The following LHB variants were observed in gnomAD, a reference collection of about 807,000 sequenced individuals.
LHB encodes lutropin subunit beta.
Under a neutral mutation model 10.6 loss-of-function variants are expected in LHB, and 11 were observed. The observed-to-expected ratio is 1.04, with a 90% CI of 0.66 to 1.72. The LOEUF (loss-of-function observed/expected upper bound fraction) is 1.72. LHB is among the 40% of genes most tolerant of loss of function. The pLI is 0.00. For synonymous variants in LHB, 86 were observed against 83.1 expected, an observed-to-expected ratio of 1.03 and a Z score of -0.19; for missense variants, 184 against 197.3, an observed-to-expected ratio of 0.93 and a Z score of 0.41.
chr19:49,016,014 G>C lies in LHB; in HGVS notation c.*54C>G, dbSNP rs141729250. On this transcript the variant is annotated 3_prime_UTR_variant, in exon 3 of 3. Transcript: ENST00000649238. ...AGAAGCCTTTATTGTGGGAGGATCG[G>C]GGTGTCAGGGCTCCAGGAGTCGGGA... 9.3e-6 allele frequency: 15 copies of C among 1,613,994 alleles called. No homozygotes were observed. Among genetic ancestry groups the C allele is most frequent in the Admixed American group, 1.7e-5 (1 of 59,998 alleles).
At chr19:49,016,963 T>C in intron 1 of LHB, 104 bp downstream of exon 1, 1 of 1,610,522 alleles carries the variant, frequency 6.2e-7, no homozygotes, top group Non-Finnish European at 8.5e-7. Context: ...GTCATGCCCC[T>C]CCAGAAAGAG....
At chr19:49,018,256 C>A (rs1458955533), upstream of LHB, 6 of 952,526 alleles carry the variant, frequency 6.3e-6, no homozygotes, top group Non-Finnish European at 8.2e-6. Context: ...GCGGCCGCTG[C>A]GGGCCGTGGC....
At chr19:49,018,320 G>A, upstream of LHB, 5 of 1,215,646 alleles carry the variant, frequency 4.1e-6, no homozygotes, top group Non-Finnish European at 5.1e-6. Flanking sequence ...GTCCTTGCGG[G>A]GGTATCCGGA....
upstream of LHB, chr19:49,017,945 G>A: frequency 5.0e-6 from 2 of 398,756 alleles, no homozygotes. Flanking sequence ...GGGCGGGTCT[G>A]GGGTGGGGCT....
chr19:49,018,924 C>T, upstream of LHB: 1 of 1,534,394 alleles, frequency 6.5e-7, no homozygotes, highest in East Asian at 2.4e-5. Context: ...GAGCTGGCGG[C>T]GGTCCAGGAC....
chr19:49,016,362 A>G (rs777792195), intron 2 of LHB, 52 bp from the exon 3 acceptor site: 2 of 1,605,066 alleles, frequency 1.2e-6, no homozygotes, highest in Admixed American at 3.3e-5. Context: ...CCAGCGCCTC[A>G]GCTGAGCTCC....
intron 2 of LHB, 47 bp downstream of exon 2, chr19:49,016,500 T>C (rs368580299): frequency 6.3e-7 from 1 of 1,597,636 alleles, no homozygotes. Flanking sequence ...CCTCTGTGGG[T>C]CTGGCCCTGA....
At chr19:49,017,547 C>A (rs1395410852), upstream of LHB, 3 of 1,099,358 alleles carry the variant, frequency 2.7e-6, no homozygotes, top group Non-Finnish European at 3.3e-6. Flanking sequence ...GAGAGAGGGT[C>A]TCCCCGTGAC....
Position 49,016,668 on chromosome 19 carries a change from G to C in LHB, c.62C>G (p.Ser21Cys), listed in dbSNP as rs772494662. The change falls in exon 2 of 3, where the codon TCC (serine) becomes TGC (cysteine). Residue 21 changes from serine (S) to cysteine (C), a missense_variant. By Grantham distance (112) the Ser-to-Cys change is moderately radical. Transcript: ENST00000649238. Reference protein sequence around the residue: ...LLLSMGGAWASREPLRPWCHP... With the variant: ...LLLSMGGAWACREPLRPWCHP... ...GCACCATGGCCGAAGCGGCTCCCTGGATGCCCATGCCCCGCCCATGCTCAG... is the reference window on the plus strand; with the variant it reads ...GCACCATGGCCGAAGCGGCTCCCTGCATGCCCATGCCCCGCCCATGCTCAG... 4 of 1,612,054 alleles carry C rather than the reference G, an allele frequency of 2.5e-6. No homozygotes were observed. In the Admixed American group the frequency reaches 6.7e-5, roughly 27 times the overall value.
chr19:49,016,993 A>T, intron 1 of LHB, 74 bp downstream of exon 1: 1 of 1,612,436 alleles, frequency 6.2e-7, no homozygotes, highest in Non-Finnish European at 8.5e-7. Context: ...CACAGCTCAC[A>T]CGGGTCTGCC....
upstream of LHB, chr19:49,018,849 G>A (rs8108340): frequency 0.6 from 917,731 of 1,519,222 alleles, 279,938 homozygotes; most frequent in Admixed American, 0.71. Flanking sequence ...GCAGGAGGCG[G>A]TGCCGAGCGA....
At chr19:49,018,126 G>A, upstream of LHB, 1 of 399,740 alleles carries the variant, frequency 2.5e-6, no homozygotes, top group East Asian at 3.6e-5. Flanking sequence ...TGCAGCAGGG[G>A]GCTGTAGGAC....
chr19:49,019,308 C>A, upstream of LHB: 1 of 1,221,394 alleles, frequency 8.2e-7, no homozygotes, highest in East Asian at 3.2e-5. Flanking sequence ...CTGTCTTAAA[C>A]CGTCTTGGTG....
In LHB at chr19:49,016,009, G is replaced by A. The variant is rs780562920; in HGVS notation, c.*59C>T. ...GATTGAGAAGCCTTTATTGTGGGAG[G>A]ATCGGGGTGTCAGGGCTCCAGGAGT... On this transcript the variant is annotated 3_prime_UTR_variant, in exon 3 of 3. Coordinates refer to ENST00000649238, the MANE Select transcript of LHB (RefSeq NM_000894.3). 6.2e-7 allele frequency: 1 copy of A among 1,614,162 alleles called. No individual in the cohort carries two copies. The highest frequency in any genetic ancestry group is 1.7e-5 in the Admixed American group (1 of 60,026).
upstream of LHB, chr19:49,019,011 T>C (rs541255086): frequency 7.2e-4 from 1,101 of 1,530,388 alleles, 3 homozygotes; most frequent in Non-Finnish European, 8.4e-4. Context: ...CTGAGCAAGA[T>C]TGGGGGAGGA....
At chr19:49,019,083 C>A (rs936468752), upstream of LHB, 2 of 1,451,972 alleles carry the variant, frequency 1.4e-6, no homozygotes, top group Admixed American at 2.4e-5. Context: ...GTTCAGAATC[C>A]CTCTCCTTCG....
chr19:49,017,229 G>A (rs2039571660), upstream of LHB: 2 of 1,413,988 alleles, frequency 1.4e-6, no homozygotes, highest in East Asian at 4.6e-5. Flanking sequence ...GGAGGCGCAG[G>A]AGTGGCTCAG....
chr19:49,019,266 C>T, upstream of LHB: 2 of 1,295,910 alleles, frequency 1.5e-6, no homozygotes, highest in East Asian at 3.1e-5. Flanking sequence ...CCCAAGCCCC[C>T]AGCCACCAAA....
chr19:49,019,239 T>G, upstream of LHB: 1 of 1,341,048 alleles, frequency 7.5e-7, no homozygotes, highest in South Asian at 1.9e-5. Context: ...CACCTTCTGC[T>G]GTTCAAGGAA....
Sources: gnomAD v4.1 joint callset for allele counts on GRCh38, gnomAD v4.1.1 for gene constraint, MANE v1.5 for transcripts, NCBI Gene and HGNC (gene_info 2026-07-23, HGNC 2026-07-21) for gene names.